OTOA: variants seen among roughly 807,000 people sequenced by gnomAD.
The protein encoded by OTOA is otoancorin, also known as cancer/testis antigen 108.
A neutral mutation model predicts 110.8 loss-of-function variants in OTOA; 70 were observed. The observed-to-expected ratio is 0.63, with a 90% CI of 0.52 to 0.77. The LOEUF is 0.77. OTOA is among the 30% of genes least tolerant of loss of function. The pLI, the probability that OTOA is intolerant of heterozygous loss-of-function variation, is 0.00. For missense variants in OTOA, 917 were observed against 1,075.8 expected, an observed-to-expected ratio of 0.85 and a Z score of 2.06; for synonymous variants, 373 against 431.5, an observed-to-expected ratio of 0.86 and a Z score of 1.68.
chr16:21,731,607 G>A (rs985047958), intron 21 of OTOA, among the ~76,000 whole-genome samples: 1 of 152,204 alleles, frequency 6.6e-6, no homozygotes, highest in Non-Finnish European at 1.5e-5. Context: ...GTCCTAGGTT[G>A]GAAGTTGGCA....
intron 9 of OTOA, among the ~76,000 whole-genome samples, chr16:21,695,866 G>GATATATATATATATATATAT (rs71151648): frequency 1.1e-4 from 8 of 72,726 alleles, no homozygotes; most frequent in East Asian, 5.0e-4. Context: ...CTAGACTTGA[G>GATATATATATATATATATAT]ATATATATAT....
intron 11 of OTOA, among the ~76,000 whole-genome samples, chr16:21,703,795 G>C (rs1898100104): frequency 6.6e-6 from 1 of 152,114 alleles, no homozygotes; most frequent in Non-Finnish European, 1.5e-5. Flanking sequence ...AACTCTAAGA[G>C]CATTCATTAA....
At chr16:21,690,432 A>C (rs1004964705) in intron 8 of OTOA, among the ~76,000 whole-genome samples, 5 of 151,238 alleles carry the variant, frequency 3.3e-5, no homozygotes, top group African/African-American at 1.2e-4. Flanking sequence ...CTTACAAGTG[A>C]GAACATGGGG....
rs1342733092 is a variant in OTOA, at chr16:21,759,390, G to C, written c.3350-1080G>C. Among the ~76,000 whole-genome samples the C allele has an allele frequency of 5.3e-5, 8 of 152,048 alleles. No homozygotes were observed. The South Asian group carries it at 1.7e-3, about 32-fold the overall frequency. ...GAGGGAGTTCTGTATCTGTGCACAGGAGCTGTGCCATTGTTGGTTTTATGG... is the reference window on the plus strand; with the variant it reads ...GAGGGAGTTCTGTATCTGTGCACAGCAGCTGTGCCATTGTTGGTTTTATGG... On this transcript the variant is annotated intron_variant, in intron 28 of 28. Coordinates refer to ENST00000646100, the MANE Select transcript of OTOA (RefSeq NM_144672.4).
intron 21 of OTOA, among the ~76,000 whole-genome samples, chr16:21,734,672 T>C (rs1172213375): frequency 1.3e-5 from 2 of 150,366 alleles, no homozygotes; most frequent in Non-Finnish European, 3.0e-5. Flanking sequence ...CCGTCTCTAC[T>C]AAAAAATACA....
At chr16:21,691,794 T>C in intron 9 of OTOA, 107 bp downstream of exon 9, 1 of 1,055,530 alleles carries the variant, frequency 9.5e-7, no homozygotes, top group Non-Finnish European at 1.4e-6. Context: ...TTCTGATTTT[T>C]ACCACCTCCC....
At chr16:21,664,893 A>G (rs1966832628) in intron 1 of OTOA, among the ~76,000 whole-genome samples, 1 of 152,050 alleles carries the variant, frequency 6.6e-6, no homozygotes, top group Non-Finnish European at 1.5e-5. Flanking sequence ...AATCGCATCA[A>G]TCCGGCAGGT....
At chr16:21,684,338 CA>C in intron 6 of OTOA, 2 of 1,369,922 alleles carry the variant, frequency 1.5e-6, no homozygotes, top group Non-Finnish European at 1.9e-6. Flanking sequence ...ATTTAGAGAA[CA>C]ATTCCCCAGA....
Position 21,705,181 on chromosome 16 carries a change from G to T in OTOA, c.993G>T (p.Leu331=), listed in dbSNP as rs1898135436. Residue 331 remains leucine (L), a synonymous_variant, in exon 12 of 29, where the codon CTG becomes CTT. Transcript: ENST00000646100. ...NTSTIHRLGL[L]VCFYNDLELL... ...TCTTCTCACACAGGCTGGGGCTGCTGGTTTGTTTCTACAATGACCTGGAAT... is the reference window on the plus strand; with the variant it reads ...TCTTCTCACACAGGCTGGGGCTGCTTGTTTGTTTCTACAATGACCTGGAAT... 6.2e-7 allele frequency: 1 copy of T among 1,614,124 alleles called. No homozygotes were observed. The highest frequency in any genetic ancestry group is 1.7e-4 in the Middle Eastern group (1 of 6,060).
chr16:21,736,483 A>T (rs1899304791), intron 22 of OTOA, 93 bp downstream of exon 22: 2 of 1,378,210 alleles, frequency 1.5e-6, no homozygotes, highest in African/African-American at 2.8e-5. Context: ...TTATGCAGGG[A>T]ACTGGATGAA....
chr16:21,737,484 G>A lies in OTOA; in HGVS notation c.2431+1094G>A, dbSNP rs1249903733. Among the ~76,000 whole-genome samples, 18 of 146,018 alleles carry A rather than the reference G, an allele frequency of 1.2e-4. No homozygotes were observed. The East Asian group carries it at 2.0e-3, about 16-fold the overall frequency. On this transcript the variant is annotated intron_variant, in intron 22 of 28. Transcript: ENST00000646100. The stretch of plus-strand genomic sequence containing the variant: ...GGTGATCCACCTGCCTTGGCCTCCC[G>A]AAATACTGGGATTACAGGCGTGAGC...
intron 15 of OTOA, among the ~76,000 whole-genome samples, chr16:21,718,569 T>C (rs909223415): frequency 6.6e-6 from 1 of 152,208 alleles, no homozygotes; most frequent in Non-Finnish European, 1.5e-5. Flanking sequence ...AATAGACAAA[T>C]GTAGTACTTG....
intron 7 of OTOA, 138 bp from the exon 8 acceptor site, chr16:21,687,275 T>A: frequency 1.3e-6 from 1 of 754,272 alleles, no homozygotes; most frequent in Non-Finnish European, 2.3e-6. Flanking sequence ...AATGGAAAGT[T>A]CTAGAAGTTT....
chr16:21,751,765 T>C (rs1899832962), intron 24 of OTOA, among the ~76,000 whole-genome samples, 170 bp from the exon 25 acceptor site: 1 of 111,412 alleles, frequency 9.0e-6, no homozygotes, highest in Admixed American at 1.0e-4. Context: ...AAGTAGTATC[T>C]TAAGGACATG....
intron 15 of OTOA, among the ~76,000 whole-genome samples, chr16:21,717,389 T>C (rs1898590500): frequency 6.6e-6 from 1 of 152,008 alleles, no homozygotes; most frequent in Non-Finnish European, 1.5e-5. Context: ...TGCAGTGAGT[T>C]ATGGTCATGC....
At position 21,685,313 on chromosome 16, in the gene OTOA, G is replaced by A. The variant is rs755756165; in HGVS notation, c.351G>A (p.Gln117=). ...LEDLRKTDAQ[Q]FRTAMKCLLE... is the part of the protein sequence containing the mutation. ...ACCTGAGGAAGACAGACGCCCAGCA[G>A]TTCCGCACTGCCATGAAATGCCTCT... is the stretch of plus-strand genomic sequence containing the variant. The change falls in exon 7 of 29, where the codon CAG becomes CAA. Residue 117 remains glutamine (Q), a synonymous_variant. Transcript: ENST00000646100. 3.7e-6 allele frequency: 6 copies of A among 1,613,176 alleles called. No homozygotes were observed.
At chr16:21,702,257 A>C (rs1028507174) in intron 11 of OTOA, among the ~76,000 whole-genome samples, 2 of 152,016 alleles carry the variant, frequency 1.3e-5, no homozygotes, top group African/African-American at 4.8e-5. Flanking sequence ...GCCATCATTC[A>C]ATCCTCTTGT....
At chr16:21,699,682 G>A (rs925804417) in intron 10 of OTOA, among the ~76,000 whole-genome samples, 81 of 152,212 alleles carry the variant, frequency 5.3e-4, no homozygotes, top group African/African-American at 1.9e-3. Context: ...ACTTTGGGAG[G>A]CTGAGGCGGG....
chr16:21,759,347 A>G (rs964763403), intron 28 of OTOA, among the ~76,000 whole-genome samples: 3 of 151,946 alleles, frequency 2.0e-5, no homozygotes, highest in African/African-American at 7.3e-5. Flanking sequence ...TGTATTTTTC[A>G]CCTAACAATA....
Sources: allele counts gnomAD v4.1 joint callset (sites outside exome capture counted in the v4.1 genomes callset), GRCh38; gene constraint gnomAD v4.1.1; transcripts MANE v1.5; gene names NCBI Gene and HGNC (gene_info 2026-07-23, HGNC 2026-07-21).